The following TRHDE variants were observed in gnomAD, a reference collection of about 807,000 sequenced individuals.
TRHDE encodes thyrotropin releasing hormone degrading enzyme.
A neutral mutation model predicts 125.7 loss-of-function variants in TRHDE; 72 were observed. That is an observed-to-expected ratio of 0.57 (90% CI 0.47 to 0.70). The LOEUF (loss-of-function observed/expected upper bound fraction) is 0.70, where lower values mean the gene tolerates loss of function less well. TRHDE is among the 30% of genes least tolerant of loss of function. The probability of loss-of-function intolerance (pLI) is 0.00; values close to 1 mark genes in which losing one functional copy is unlikely to be tolerated. For synonymous variants in TRHDE, 509 were observed against 509.1 expected (o/e 1.00, Z 0.00); for missense variants, 1,110 against 1,327.1 (o/e 0.84, Z 2.54).
Position 72,669,106 on chromosome 12 carries a change from T to G in TRHDE, c.*5911T>G, listed in dbSNP as rs1875188178. 6.6e-6 allele frequency: 1 copy of G among 151,598 alleles called. No homozygotes were observed. Among genetic ancestry groups the G allele is most frequent in the African/African-American group, 2.4e-5 (1 of 41,256 alleles). The allele number at this position is 151,598 out of a possible 1,614,324, so 9.4% of individuals were successfully genotyped here. A position where few individuals can be genotyped will look rare whatever the true frequency, so the allele number is the denominator to read the frequency against. ...GTTATAACAGGTAATTAACAGATATTTCGGCCAACGAGACACACACACACA... is the reference window on the plus strand; with the variant it reads ...GTTATAACAGGTAATTAACAGATATGTCGGCCAACGAGACACACACACACA... On this transcript the variant is annotated 3_prime_UTR_variant, in exon 19 of 19. Coordinates refer to ENST00000261180, the MANE Select transcript of TRHDE (RefSeq NM_013381.3).
intron 2 of TRHDE, chr12:72,147,645 A>G (rs539563952): frequency 1.3e-5 from 2 of 152,376 alleles, no homozygotes; most frequent in Admixed American, 1.3e-4. Flanking sequence ...CCATTAAAAA[A>G]GAAAACAATA....
intron 1 of TRHDE, among the ~76,000 whole-genome samples, chr12:72,095,593 A>G (rs528626462): frequency 6.6e-6 from 1 of 152,306 alleles, no homozygotes; most frequent in Admixed American, 6.5e-5. Context: ...TTTTGGGACA[A>G]TGCTATTTCT....
At chr12:72,579,324 T>C (rs1486183116) in intron 12 of TRHDE, among the ~76,000 whole-genome samples, 3 of 152,078 alleles carry the variant, frequency 2.0e-5, no homozygotes, top group Non-Finnish European at 4.4e-5. Flanking sequence ...GTGGCAAAAG[T>C]GATTTTATAA....
At chr12:72,342,849 C>T (rs776419989) in intron 2 of TRHDE, among the ~76,000 whole-genome samples, 1 of 151,982 alleles carries the variant, frequency 6.6e-6, no homozygotes, top group African/African-American at 2.4e-5. Flanking sequence ...AGCAACTAAG[C>T]TTTGAGATAT....
At chr12:72,490,292 C>T (rs1032466181) in intron 5 of TRHDE, among the ~76,000 whole-genome samples, 1 of 151,648 alleles carries the variant, frequency 6.6e-6, no homozygotes, top group Non-Finnish European at 1.5e-5. Flanking sequence ...CCACTGCATA[C>T]CTGCTAGGAT....
chr12:72,498,758 AC>A (rs1878021589), intron 5 of TRHDE, among the ~76,000 whole-genome samples: 2 of 152,302 alleles, frequency 1.3e-5, no homozygotes, highest in Admixed American at 1.3e-4. Flanking sequence ...CAGAGCAAAT[AC>A]TAATGTCTCA....
chr12:72,227,991 G>A (rs1364444991), intron 2 of TRHDE, among the ~76,000 whole-genome samples: 1 of 152,178 alleles, frequency 6.6e-6, no homozygotes, highest in Non-Finnish European at 1.5e-5. Flanking sequence ...ACCCCCTCCT[G>A]GCTGCTTTCA....
At chr12:72,530,416 C>CTTTTTTTTT (rs71438816) in intron 6 of TRHDE, among the ~76,000 whole-genome samples, 139 of 68,416 alleles carry the variant, frequency 2.0e-3, no homozygotes, top group East Asian at 8.1e-3. Context: ...TTCCTAGAAG[C>CTTTTTTTTT]TTTTTTTTTT....
intron 6 of TRHDE, among the ~76,000 whole-genome samples, chr12:72,515,233 AACT>A (rs1342084806): frequency 1.4e-5 from 2 of 138,082 alleles, no homozygotes; most frequent in Non-Finnish European, 3.1e-5. Context: ...ACAATGGTTG[AACT>A]AGTTTACAGT....
chr12:72,307,857 G>C (rs1421700560), intron 2 of TRHDE, among the ~76,000 whole-genome samples: 1 of 152,094 alleles, frequency 6.6e-6, no homozygotes, highest in Non-Finnish European at 1.5e-5. Flanking sequence ...TACCCAACAA[G>C]GTAACTAATT....
chr12:72,663,217 C>A lies in TRHDE; in HGVS notation c.*22C>A. On this transcript the variant is annotated 3_prime_UTR_variant, in exon 19 of 19. Coordinates refer to ENST00000261180, the MANE Select transcript of TRHDE (RefSeq NM_013381.3). ...CTAATATATGTATCTTATAAACAAA[C>A]AATTCAACTCAGAAGTTTATGAGAA... is the stretch of plus-strand genomic sequence containing the variant. The A allele has an allele frequency of 6.5e-7, 1 of 1,549,122 alleles. No individual in the cohort carries two copies. The highest frequency in any genetic ancestry group is 1.9e-5 in the Admixed American group (1 of 53,000).
chr12:72,103,116 TC>T (rs79473477), intron 1 of TRHDE, among the ~76,000 whole-genome samples: 1 of 152,174 alleles, frequency 6.6e-6, no homozygotes, highest in East Asian at 1.9e-4. Context: ...AGAGTCAGCG[TC>T]CCAGAGAGCC....
chr12:72,232,014 AG>A (rs35575513), intron 2 of TRHDE, among the ~76,000 whole-genome samples: 1 of 152,192 alleles, frequency 6.6e-6, no homozygotes, highest in African/African-American at 2.4e-5. Context: ...GCTGCTAGGT[AG>A]GGACTTGTTT....
At chr12:72,389,974 A>G (rs1258453407) in intron 3 of TRHDE, among the ~76,000 whole-genome samples, 1 of 152,150 alleles carries the variant, frequency 6.6e-6, no homozygotes, top group Non-Finnish European at 1.5e-5. Flanking sequence ...TTCTGGATAT[A>G]TTTTAAAAGG....
chr12:72,541,853 C>A (rs1033406924), intron 6 of TRHDE, among the ~76,000 whole-genome samples: 3 of 151,326 alleles, frequency 2.0e-5, no homozygotes, highest in Admixed American at 1.3e-4. Flanking sequence ...CTAAACTTTT[C>A]TTGGTTAAGG....
chr12:72,244,021 C>G (rs1878529621), intron 2 of TRHDE, among the ~76,000 whole-genome samples: 1 of 152,046 alleles, frequency 6.6e-6, no homozygotes, highest in Non-Finnish European at 1.5e-5. Flanking sequence ...CCTCAAATAT[C>G]TCTGTTCATG....
At chr12:72,296,003 T>G (rs2135680074) in intron 2 of TRHDE, among the ~76,000 whole-genome samples, 1 of 152,298 alleles carries the variant, frequency 6.6e-6, no homozygotes, top group Non-Finnish European at 1.5e-5. Context: ...TTTTGAAAAC[T>G]TTTTACACTC....
intron 18 of TRHDE, among the ~76,000 whole-genome samples, chr12:72,662,090 T>C (rs1212812847): frequency 6.6e-6 from 1 of 152,170 alleles, no homozygotes; most frequent in Non-Finnish European, 1.5e-5. Flanking sequence ...CATTTCTGCC[T>C]GCCCCTGAGC....
chr12:72,180,857 A>G (rs1176663940), intron 2 of TRHDE, among the ~76,000 whole-genome samples: 1 of 152,170 alleles, frequency 6.6e-6, no homozygotes, highest in Admixed American at 6.5e-5. Flanking sequence ...TGATTCTTCA[A>G]TGACCCTGAC....
Sources: allele counts gnomAD v4.1 joint callset (sites outside exome capture counted in the v4.1 genomes callset), GRCh38; gene constraint gnomAD v4.1.1; transcripts MANE v1.5; gene names NCBI Gene and HGNC (gene_info 2026-07-23, HGNC 2026-07-21).